LRMDA: variants seen among roughly 807,000 people sequenced by gnomAD.
LRMDA encodes leucine-rich melanocyte differentiation-associated protein.
In LRMDA, 18 loss-of-function variants were observed where a neutral mutation model predicts 29.8. That is an observed-to-expected ratio of 0.60 (90% CI 0.42 to 0.90). The LOEUF (loss-of-function observed/expected upper bound fraction) is 0.90, where lower values mean the gene tolerates loss of function less well. LRMDA is among the 40% of genes least tolerant of loss of function. The pLI, the probability that LRMDA is intolerant of heterozygous loss-of-function variation, is 0.00. For synonymous variants in LRMDA, 125 were observed against 109.4 expected, an observed-to-expected ratio of 1.14 and a Z score of -0.89; for missense variants, 273 against 273.9, an observed-to-expected ratio of 1.00 and a Z score of 0.02.
intron 2 of LRMDA, among the ~76,000 whole-genome samples, chr10:75,617,243 A>C (rs1340802982): frequency 6.6e-6 from 1 of 152,306 alleles, no homozygotes; most frequent in East Asian, 1.9e-4. Context: ...GGGAATGAGA[A>C]GCCCAGGGAG....
At chr10:76,157,121 G>C (rs776421067) in intron 5 of LRMDA, among the ~76,000 whole-genome samples, 4 of 152,162 alleles carry the variant, frequency 2.6e-5, no homozygotes, top group African/African-American at 4.8e-5. Flanking sequence ...AGGGGAGTTA[G>C]TTGCTAAGTC....
At chr10:76,017,214 C>T (rs555376962) in intron 2 of LRMDA, among the ~76,000 whole-genome samples, 23 of 152,288 alleles carry the variant, frequency 1.5e-4, no homozygotes, top group Middle Eastern at 6.8e-3. Flanking sequence ...GAGCAGATCC[C>T]GCGCGAAGGC....
intron 5 of LRMDA, among the ~76,000 whole-genome samples, 163 bp downstream of exon 5, chr10:76,058,946 A>G (rs1289007158): frequency 6.6e-6 from 1 of 152,212 alleles, no homozygotes; most frequent in East Asian, 1.9e-4. Context: ...AAATAGGGTT[A>G]GGTGTAAATT....
At chr10:75,850,775 G>T (rs545652283) in intron 2 of LRMDA, among the ~76,000 whole-genome samples, 2 of 152,220 alleles carry the variant, frequency 1.3e-5, no homozygotes, top group Non-Finnish European at 2.9e-5. Flanking sequence ...TCGGGGCCTT[G>T]GGAGCAGAGG....
At chr10:75,719,412 AAAG>A (rs796446567) in intron 2 of LRMDA, among the ~76,000 whole-genome samples, 16 of 152,358 alleles carry the variant, frequency 1.1e-4, no homozygotes, top group African/African-American at 3.8e-4. Context: ...ATGTGAATAA[AAAG>A]AAGTTTCACA....
At chr10:76,061,588 G>C (rs1848701983) in intron 5 of LRMDA, among the ~76,000 whole-genome samples, 1 of 152,158 alleles carries the variant, frequency 6.6e-6, no homozygotes, top group African/African-American at 2.4e-5. Context: ...AAAGTATGGT[G>C]ATCTTGGTTC....
At position 75,791,262 on chromosome 10, in the gene LRMDA, G is replaced by C. The variant is rs555311242; in HGVS notation, c.132-244746G>C. Among the ~76,000 whole-genome samples, 4 of 152,236 alleles carry C rather than the reference G, an allele frequency of 2.6e-5. No homozygotes were observed. The South Asian group carries it at 8.3e-4, about 32-fold the overall frequency. ...GGGGTTGGGAGGGTCAGGAAATGAA[G>C]GGATAAAATTATTGTTAATTCCACC... On this transcript the variant is annotated intron_variant, in intron 2 of 6. Transcript: ENST00000611255.
intron 5 of LRMDA, among the ~76,000 whole-genome samples, chr10:76,263,475 A>G (rs940064901): frequency 2.0e-5 from 3 of 152,156 alleles, no homozygotes; most frequent in African/African-American, 7.2e-5. Flanking sequence ...GGTTTGCATG[A>G]TGGTTACTTT....
At chr10:76,292,959 G>A (rs934731318) in intron 5 of LRMDA, among the ~76,000 whole-genome samples, 1 of 152,146 alleles carries the variant, frequency 6.6e-6, no homozygotes, top group Non-Finnish European at 1.5e-5. Context: ...TGGGGAAACA[G>A]TGTGTGTATT....
At chr10:75,703,314 A>T (rs1842330557) in intron 2 of LRMDA, among the ~76,000 whole-genome samples, 1 of 152,210 alleles carries the variant, frequency 6.6e-6, no homozygotes, top group Admixed American at 6.5e-5. Context: ...ATAAAAACTC[A>T]CTTAGCAGCA....
At chr10:76,333,564 G>C (rs1239956683) in intron 6 of LRMDA, among the ~76,000 whole-genome samples, 2 of 152,190 alleles carry the variant, frequency 1.3e-5, no homozygotes, top group Non-Finnish European at 2.9e-5. Context: ...CATGCACAGG[G>C]AACCTTATGG....
At position 75,612,669 on chromosome 10, in the gene LRMDA, A is replaced by C. The variant is rs570672622; in HGVS notation, c.131+174175A>C. 2.7e-5 allele frequency among the ~76,000 whole-genome samples: 4 copies of C among 148,518 alleles called. No individual in the cohort carries two copies. The East Asian group carries it at 5.8e-4, about 22-fold the overall frequency. ...ATATATTTGTATATATAAATATATA[A>C]AAATATATTTTTGAGTAGTGGATTT... On this transcript the variant is annotated intron_variant, in intron 2 of 6. Coordinates refer to ENST00000611255, the MANE Select transcript of LRMDA (RefSeq NM_001305581.2).
chr10:76,228,427 C>G (rs983887719), intron 5 of LRMDA, among the ~76,000 whole-genome samples: 1 of 152,280 alleles, frequency 6.6e-6, no homozygotes, highest in Non-Finnish European at 1.5e-5. Context: ...CCAGGCCAGG[C>G]ATGCCATGTG....
rs371478158 is a variant in LRMDA at position 75,711,665 on chromosome 10, A to T, written c.131+273171A>T. On this transcript the variant is annotated intron_variant, in intron 2 of 6. Transcript: ENST00000611255. ...CTTATTGTGAATAGGGGGTAAGAAA[A>T]GAGAAGTTTAAAATTCAGAAAAGAA... Among the ~76,000 whole-genome samples, 48 of 152,282 alleles carry T rather than the reference A, an allele frequency of 3.2e-4. No homozygotes were observed. The East Asian group carries it at 7.7e-3, about 24-fold the overall frequency.
intron 2 of LRMDA, among the ~76,000 whole-genome samples, chr10:75,584,168 T>C (rs1209918213): frequency 6.6e-6 from 1 of 152,102 alleles, no homozygotes; most frequent in African/African-American, 2.4e-5. Flanking sequence ...CTGCTCCCCA[T>C]AGGCCTTTTA....
chr10:75,827,405 G>C (rs9787621), intron 2 of LRMDA, among the ~76,000 whole-genome samples: 28,733 of 152,020 alleles, frequency 0.19, 2,925 homozygotes, highest in Admixed American at 0.24. Context: ...TAGACCTGGA[G>C]ACATTTAAAC....
intron 2 of LRMDA, among the ~76,000 whole-genome samples, chr10:75,545,391 T>C (rs560038162): frequency 3.3e-5 from 5 of 152,180 alleles, no homozygotes; most frequent in Non-Finnish European, 1.5e-5. Context: ...CCATAGGCTT[T>C]AGACACACAC....
chr10:75,700,805 T>G (rs1008317542), intron 2 of LRMDA, among the ~76,000 whole-genome samples: 21 of 151,900 alleles, frequency 1.4e-4, no homozygotes, highest in Admixed American at 1.2e-3. Context: ...GGATGGATAA[T>G]GAAAAAAACA....
At chr10:76,198,419 C>T (rs1429120647) in intron 5 of LRMDA, among the ~76,000 whole-genome samples, 1 of 152,172 alleles carries the variant, frequency 6.6e-6, no homozygotes, top group Non-Finnish European at 1.5e-5. Context: ...AGGCTTTTTC[C>T]ATTCCCTTGG....
Sources: allele counts gnomAD v4.1 joint callset (sites outside exome capture counted in the v4.1 genomes callset), GRCh38; gene constraint gnomAD v4.1.1; transcripts MANE v1.5; gene names NCBI Gene and HGNC (gene_info 2026-07-23, HGNC 2026-07-21).